Variants in DIAPH2 observed in about 807,000 individuals in gnomAD.
The protein encoded by DIAPH2 is diaphanous related formin 2.
In DIAPH2, 35 loss-of-function variants were observed where a neutral mutation model predicts 92.7. The ratio of observed to expected loss-of-function variants is 0.38; its 90% CI spans 0.29 to 0.50. The LOEUF (loss-of-function observed/expected upper bound fraction) is 0.50, where lower values mean the gene tolerates loss of function less well. Ranked by LOEUF, DIAPH2 falls within the 20% of genes least tolerant of loss-of-function variation. The pLI, the probability that DIAPH2 is intolerant of heterozygous loss-of-function variation, is 0.94. For missense variants in DIAPH2, 701 were observed against 819.5 expected, an observed-to-expected ratio of 0.86 and a Z score of 1.77; for synonymous variants, 301 against 280.4, an observed-to-expected ratio of 1.07 and a Z score of -0.73.
chrX:97,066,902 T>C (rs906040616), intron 17 of DIAPH2, among the ~76,000 whole-genome samples: 1 of 112,149 alleles, frequency 8.9e-6, no homozygotes, highest in Admixed American at 9.5e-5. Flanking sequence ...GTCTGTGTTA[T>C]CCCTACCATT....
intron 21 of DIAPH2, among the ~76,000 whole-genome samples, chrX:97,121,583 T>A (rs763221658): frequency 8.9e-6 from 1 of 112,377 alleles, no homozygotes; most frequent in Admixed American, 9.4e-5. Flanking sequence ...GTTTTTTAAG[T>A]TAGAACATTT....
intron 5 of DIAPH2, among the ~76,000 whole-genome samples, chrX:96,901,980 G>A (rs1398752406): frequency 8.9e-6 from 1 of 111,793 alleles, no homozygotes; most frequent in Non-Finnish European, 1.9e-5. Flanking sequence ...TTTTGATAAC[G>A]TGTGTCACTA....
intron 22 of DIAPH2, among the ~76,000 whole-genome samples, chrX:97,153,369 G>A (rs1367816378): frequency 2.7e-5 from 3 of 110,736 alleles, no homozygotes; most frequent in Non-Finnish European, 5.7e-5. Context: ...GATTCCCTGA[G>A]GTCAGGAGTT....
chrX:97,050,889 A>G (rs1396247711), intron 17 of DIAPH2, among the ~76,000 whole-genome samples: 2 of 111,924 alleles, frequency 1.8e-5, no homozygotes, highest in African/African-American at 6.5e-5. Context: ...TTGTGTTTTG[A>G]GTTTGCAATC....
chrX:97,106,941 G>T (rs2066946057), intron 20 of DIAPH2, among the ~76,000 whole-genome samples: 1 of 111,615 alleles, frequency 9.0e-6, no homozygotes, highest in African/African-American at 3.3e-5. Context: ...CAAAAAAAAA[G>T]AAATGTTGAT....
rs2069624275 is a variant in DIAPH2, at chrX:97,388,679, A to G, written c.3145+4635A>G. 2.7e-5 allele frequency among the ~76,000 whole-genome samples: 3 copies of G among 111,839 alleles called. No individual in the cohort carries two copies. The Admixed American group carries it at 2.8e-4, about 11-fold the overall frequency. On this transcript the variant is annotated intron_variant, in intron 25 of 26. Transcript: ENST00000324765. ...TGATCTCAGAACCCATTTACACTAA[A>G]AATCATTGAGGACCCCAAATGCCTT...
intron 5 of DIAPH2, among the ~76,000 whole-genome samples, chrX:96,892,342 A>G (rs1412235036): frequency 1.8e-5 from 2 of 112,270 alleles, no homozygotes; most frequent in African/African-American, 6.5e-5. Context: ...AGGTTTTTAA[A>G]TATTGGTATT....
Position 97,499,604 on chromosome X carries a change from C to T in DIAPH2, c.3241+69859C>T, listed in dbSNP as rs779859921. On this transcript the variant is annotated intron_variant, in intron 26 of 26. Transcript: ENST00000324765. ...CTGCAGTCCCACTATTGGGCATCTA[C>T]CCAAAGGGAAAGAAATCATTCTATG... is the stretch of plus-strand genomic sequence containing the variant. 2.7e-5 allele frequency among the ~76,000 whole-genome samples: 3 copies of T among 111,414 alleles called. No individual in the cohort carries two copies. In the East Asian group the frequency reaches 8.5e-4, roughly 32 times the overall value.
chrX:97,446,970 G>A (rs938434949), intron 26 of DIAPH2, among the ~76,000 whole-genome samples: 1 of 110,407 alleles, frequency 9.1e-6, no homozygotes, highest in Non-Finnish European at 1.9e-5. Flanking sequence ...AAAGGGTAGT[G>A]GTTAGGTGGA....
intron 4 of DIAPH2, among the ~76,000 whole-genome samples, chrX:96,847,305 G>T (rs2064978520): frequency 8.9e-6 from 1 of 112,027 alleles, no homozygotes; most frequent in Non-Finnish European, 1.9e-5. Context: ...CCTCGATTTG[G>T]ACCTGCTGCC....
At chrX:97,298,549 A>G (rs2068665717) in intron 23 of DIAPH2, among the ~76,000 whole-genome samples, 1 of 108,341 alleles carries the variant, frequency 9.2e-6, no homozygotes, top group African/African-American at 3.4e-5. Context: ...TAAATCATCT[A>G]TGCAGTTACA....
At chrX:96,936,356 G>A (rs2065657957) in intron 10 of DIAPH2, among the ~76,000 whole-genome samples, 1 of 111,528 alleles carries the variant, frequency 9.0e-6, no homozygotes, top group Non-Finnish European at 1.9e-5. Flanking sequence ...AGTACACCAT[G>A]CTTGCATTTC....
chrX:96,995,433 A>G (rs186201248), intron 17 of DIAPH2, among the ~76,000 whole-genome samples: 18 of 112,204 alleles, frequency 1.6e-4, no homozygotes, highest in African/African-American at 5.2e-4. Flanking sequence ...TTCAGCAACT[A>G]GCAAAGCATA....
chrX:96,754,923 CAAAAAAAAAAAAAA>C (rs1007573600), intron 3 of DIAPH2, among the ~76,000 whole-genome samples: 2 of 16,007 alleles, frequency 1.2e-4, no homozygotes, highest in African/African-American at 2.8e-4. Flanking sequence ...GTCTCCACCT[CAAAAAAAAAAAAAA>C]AAAAAAAAAA....
At chrX:97,358,497 T>TA (rs1021727725) in intron 24 of DIAPH2, among the ~76,000 whole-genome samples, 8 of 111,246 alleles carry the variant, frequency 7.2e-5, no homozygotes, top group African/African-American at 2.6e-4. Flanking sequence ...AAAGATTTTT[T>TA]AAAAAAAATT....
In DIAPH2 at chrX:97,459,085, TC is replaced by T. The variant is rs1448750194; in HGVS notation, c.3241+29342del. ...GTTTTTTCTTTTAATCTCTAGATAC[TC>T]CTCTTCAGCTGACAAGTTTGGGGAA... On this transcript the variant is annotated intron_variant, in intron 26 of 26. Coordinates refer to ENST00000324765, the MANE Select transcript of DIAPH2 (RefSeq NM_006729.5). Among the ~76,000 whole-genome samples, 30 of 112,338 alleles carry T rather than the reference TC, an allele frequency of 2.7e-4. No individual in the cohort carries two copies. The Middle Eastern group carries it at 0.014, about 52-fold the overall frequency.
intron 22 of DIAPH2, among the ~76,000 whole-genome samples, chrX:97,239,860 T>TCTC (rs2068078473): frequency 1.4e-5 from 1 of 70,341 alleles, no homozygotes; most frequent in Non-Finnish European, 2.9e-5. Flanking sequence ...CTCTCTCTCT[T>TCTC]TCTCTCTCTC....
intron 26 of DIAPH2, among the ~76,000 whole-genome samples, chrX:97,505,973 C>T (rs754103748): frequency 4.2e-4 from 46 of 109,687 alleles, no homozygotes; most frequent in Admixed American, 3.8e-3. Context: ...AACAACCAAC[C>T]TTGCAAGAAT....
At chrX:96,900,064 A>C (rs1206624130) in intron 5 of DIAPH2, among the ~76,000 whole-genome samples, 1 of 111,941 alleles carries the variant, frequency 8.9e-6, no homozygotes, top group African/African-American at 3.2e-5. Flanking sequence ...CCTGTTTGGC[A>C]GCATGGTCAT....
Sources: gnomAD v4.1 joint callset for allele counts (sites outside exome capture counted in the v4.1 genomes callset) on GRCh38, gnomAD v4.1.1 for gene constraint, MANE v1.5 for transcripts, NCBI Gene and HGNC (gene_info 2026-07-23, HGNC 2026-07-21) for gene names.